OSBPL1A: variants seen among roughly 807,000 people sequenced by gnomAD.
OSBPL1A encodes oxysterol-binding protein-related protein 1.
OSBPL1A carries 80 observed loss-of-function variants against 137.1 expected under a neutral mutation model. That is an observed-to-expected ratio of 0.58 (90% CI 0.49 to 0.70). The LOEUF is 0.70. Among genes scored for constraint, OSBPL1A ranks in the 30% least tolerant of loss-of-function variants. The pLI, the probability that OSBPL1A is intolerant of heterozygous loss-of-function variation, is 0.00. For synonymous variants in OSBPL1A, 365 were observed against 389.7 expected, an observed-to-expected ratio of 0.94 and a Z score of 0.75; for missense variants, 970 against 1,129.4, an observed-to-expected ratio of 0.86 and a Z score of 2.02.
In OSBPL1A at chr18:24,315,396, A is replaced by G. The variant is rs2090700318; in HGVS notation, c.871-1049T>C. ...AGCCACACACACATAGAAGCAGCTC[A>G]TATAAACACAACCTATCTGAACTGA... On this transcript the variant is annotated intron_variant, in intron 11 of 27. Transcript: ENST00000319481. Among the ~76,000 whole-genome samples the G allele has an allele frequency of 1.3e-5, 2 of 151,928 alleles. 1 individual carries two copies. The highest frequency in any genetic ancestry group is 1.3e-4 in the Admixed American group (2 of 15,202).
intron 17 of OSBPL1A, among the ~76,000 whole-genome samples, chr18:24,200,074 T>C (rs1880338335): frequency 6.6e-6 from 1 of 152,236 alleles, no homozygotes; most frequent in East Asian, 1.9e-4. Flanking sequence ...TATTAGCATT[T>C]CAACATATAA....
chr18:24,327,174 C>T lies in OSBPL1A; in HGVS notation c.625+5768G>A, dbSNP rs566156670. On this transcript the variant is annotated intron_variant, in intron 7 of 27. Coordinates refer to ENST00000319481, the MANE Select transcript of OSBPL1A (RefSeq NM_080597.4). ...CCATGCTGTAGTTCAGTGGCCCAATCTTGGCTCACTTCAACCTCTACCTCC... is the reference window on the plus strand; with the variant it reads ...CCATGCTGTAGTTCAGTGGCCCAATTTTGGCTCACTTCAACCTCTACCTCC... Among the ~76,000 whole-genome samples, 23 of 147,010 alleles carry T rather than the reference C, an allele frequency of 1.6e-4. No individual in the cohort carries two copies. In the South Asian group the frequency reaches 4.9e-3, roughly 31 times the overall value.
intron 2 of OSBPL1A, among the ~76,000 whole-genome samples, chr18:24,376,026 T>A (rs1906096818): frequency 6.6e-6 from 1 of 152,120 alleles, no homozygotes; most frequent in Non-Finnish European, 1.5e-5. Context: ...GTGTTACAGC[T>A]CATAAAAGCA....
chr18:24,202,498 C>T (rs142825895), intron 17 of OSBPL1A, among the ~76,000 whole-genome samples: 34 of 152,332 alleles, frequency 2.2e-4, no homozygotes, highest in East Asian at 1.9e-3. Context: ...ATTTCATTCA[C>T]CACCTGCATT....
At chr18:24,354,974 T>C (rs2091507272) in intron 4 of OSBPL1A, among the ~76,000 whole-genome samples, 1 of 152,068 alleles carries the variant, frequency 6.6e-6, no homozygotes, top group Non-Finnish European at 1.5e-5. Context: ...TCCTGGCTTC[T>C]ACTGCCTTGG....
intron 15 of OSBPL1A, among the ~76,000 whole-genome samples, chr18:24,270,932 C>T (rs904434231): frequency 6.6e-6 from 1 of 152,150 alleles, no homozygotes; most frequent in African/African-American, 2.4e-5. Flanking sequence ...TCTTCCTCTC[C>T]TTACCACCCT....
At chr18:24,364,084 A>G (rs954665863) in intron 4 of OSBPL1A, among the ~76,000 whole-genome samples, 1 of 152,162 alleles carries the variant, frequency 6.6e-6, no homozygotes, top group African/African-American at 2.4e-5. Context: ...TAACATATTT[A>G]CAAGTTTTGG....
At position 24,312,057 on chromosome 18, in the gene OSBPL1A, C is replaced by A. The variant is rs746910462; in HGVS notation, c.1019G>T (p.Cys340Phe). The A allele has an allele frequency of 2.7e-5, 43 of 1,613,932 alleles. No individual in the cohort carries two copies. Among genetic ancestry groups the A allele is most frequent in the Non-Finnish European group, 3.6e-5 (42 of 1,179,942 alleles). Residue 340 changes from cysteine to phenylalanine, a missense_variant, in exon 13 of 28, where the codon TGT becomes TTT. By Grantham distance (205) the Cys-to-Phe change is radical (BLOSUM62 -2). This residue lies in a region of OSBPL1A where 647 missense variants were observed against 672.6 expected (regional missense o/e 0.96). Transcript: ENST00000319481. ...CTCATCAGTCAGCTGGTCCTGGGAA[C>A]AGTAGTGAGTGCTGTAAGCAGAATG... is the stretch of plus-strand genomic sequence containing the variant. ...EEHSAYSTHYCSQDQLTDEEE... is the reference protein window; with the variant it reads ...EEHSAYSTHYFSQDQLTDEEE...
rs150369755 is a variant in OSBPL1A, at chr18:24,355,425, C to T, written c.282+11467G>A. On this transcript the variant is annotated intron_variant, in intron 4 of 27. Transcript: ENST00000319481. ...GGTGAGGCAGGAGATCATTTGAACCCGGGAGGCGGAGGTTGCAGTGAGCTG... is the reference window on the plus strand; with the variant it reads ...GGTGAGGCAGGAGATCATTTGAACCTGGGAGGCGGAGGTTGCAGTGAGCTG... Among the ~76,000 whole-genome samples the T allele has an allele frequency of 3.1e-3, 475 of 151,636 alleles. 3 individuals carry two copies. The highest frequency in any genetic ancestry group is 9.5e-3 in the African/African-American group (392 of 41,328).
At chr18:24,253,985 A>G (rs1480882445) in intron 15 of OSBPL1A, among the ~76,000 whole-genome samples, 1 of 152,198 alleles carries the variant, frequency 6.6e-6, no homozygotes, top group Non-Finnish European at 1.5e-5. Context: ...AGGCTTTGTC[A>G]GTTTTGTTTC....
chr18:24,339,317 A>G (rs2091235663), intron 5 of OSBPL1A, among the ~76,000 whole-genome samples: 1 of 152,198 alleles, frequency 6.6e-6, no homozygotes. Flanking sequence ...TGGTCTACTT[A>G]TAGTGGGTTA....
chr18:24,248,491 T>C (rs532076946), intron 15 of OSBPL1A, among the ~76,000 whole-genome samples: 2 of 152,302 alleles, frequency 1.3e-5, no homozygotes, highest in Admixed American at 6.5e-5. Context: ...GAAAAGGAAA[T>C]GCCACTCAGA....
chr18:24,181,900 A>G (rs2086615836), intron 18 of OSBPL1A, among the ~76,000 whole-genome samples: 1 of 152,122 alleles, frequency 6.6e-6, no homozygotes, highest in Non-Finnish European at 1.5e-5. Context: ...TTCTCAGTGG[A>G]GTGTGGAACA....
chr18:24,316,423 G>A (rs1444881795), intron 11 of OSBPL1A, among the ~76,000 whole-genome samples: 1 of 152,012 alleles, frequency 6.6e-6, no homozygotes, highest in African/African-American at 2.4e-5. Flanking sequence ...CCAAGAGACA[G>A]AAAATAAATA....
intron 7 of OSBPL1A, chr18:24,321,698 G>A (rs1489500700): frequency 7.6e-6 from 4 of 524,486 alleles, no homozygotes; most frequent in African/African-American, 5.8e-5. Context: ...TCTCTTTCCA[G>A]TTCTTCCCAG....
chr18:24,239,482 G>T, intron 15 of OSBPL1A, 100 bp from the exon 16 acceptor site: 1 of 1,062,454 alleles, frequency 9.4e-7, no homozygotes, highest in Non-Finnish European at 1.3e-6. Context: ...CAGTTCAACT[G>T]CAATATCAGA....
rs760916965 is a variant in OSBPL1A at position 24,179,719 on chromosome 18, T to G, written c.1910+19A>C. On this transcript the variant is annotated intron_variant, in intron 20 of 27. Coordinates refer to ENST00000319481, the MANE Select transcript of OSBPL1A (RefSeq NM_080597.4). ...TTCATCTGCAACGCTGTATAAAGCA[T>G]GCAAGTGAAAGGCCTCACCGCACTA... The G allele has an allele frequency of 6.3e-7, 1 of 1,599,370 alleles. No individual in the cohort carries two copies.
intron 5 of OSBPL1A, among the ~76,000 whole-genome samples, chr18:24,335,731 T>A (rs1290401267): frequency 6.6e-6 from 1 of 152,206 alleles, no homozygotes; most frequent in African/African-American, 2.4e-5. Flanking sequence ...GGGAAACAGA[T>A]GAACATTTGT....
chr18:24,321,039 A>AG (rs1376228966), intron 7 of OSBPL1A, among the ~76,000 whole-genome samples: 2 of 144,232 alleles, frequency 1.4e-5, no homozygotes, highest in East Asian at 3.9e-4. Flanking sequence ...AAAAAAAAAA[A>AG]AAAAAAGAAA....
Sources: allele counts gnomAD v4.1 joint callset (sites outside exome capture counted in the v4.1 genomes callset), GRCh38; gene constraint gnomAD v4.1.1; regional missense constraint gnomAD v4.1.1; transcripts MANE v1.5; gene names NCBI Gene and HGNC (gene_info 2026-07-23, HGNC 2026-07-21).